The following ZDHHC20 variants were observed in gnomAD, a reference collection of about 807,000 sequenced individuals.
ZDHHC20 encodes the protein zDHHC palmitoyltransferase 20.
A neutral mutation model predicts 57.8 loss-of-function variants in ZDHHC20; 43 were observed. The observed-to-expected ratio is 0.74, with a 90% CI of 0.58 to 0.96. The LOEUF (loss-of-function observed/expected upper bound fraction) is 0.96. Ranked by LOEUF, ZDHHC20 falls within the 40% of genes least tolerant of loss-of-function variation. The pLI is 0.00. For synonymous variants in ZDHHC20, 157 were observed against 153.0 expected (o/e 1.03, Z -0.19); for missense variants, 391 against 441.1 (o/e 0.89, Z 1.02).
rs191941426 is a variant in ZDHHC20, at chr13:21,400,939, G to A, written c.474-446C>T. ...TTGCCCAGGCTGGTCTTGAACTCCT[G>A]ACCTCTTCGATGTTTTTTAAAACAA... On this transcript the variant is annotated intron_variant, in intron 6 of 12. Transcript: ENST00000400590. Among the ~76,000 whole-genome samples, 816 of 152,000 alleles carry A rather than the reference G, an allele frequency of 5.4e-3. 12 individuals are homozygous for A. The highest frequency in any genetic ancestry group is 0.019 in the African/African-American group (781 of 41,482).
chr13:21,386,142 G>A (rs951409573), intron 9 of ZDHHC20, among the ~76,000 whole-genome samples: 8 of 152,136 alleles, frequency 5.3e-5, no homozygotes, highest in African/African-American at 1.9e-4. Context: ...AAAAGAGATC[G>A]ATGAACTTGA....
At position 21,409,517 on chromosome 13, in the gene ZDHHC20, T is replaced by C. The variant is rs1878918922; in HGVS notation, c.370+4135A>G. On this transcript the variant is annotated intron_variant, in intron 4 of 12. Coordinates refer to ENST00000400590, the MANE Select transcript of ZDHHC20 (RefSeq NM_001330059.2). Reference sequence around the variant, plus strand: ...TTCTCTCTTTTATTCTTTATTAGTCTGGCTAGTGGTCTATTTTGTTAATCT... The same window carrying C: ...TTCTCTCTTTTATTCTTTATTAGTCCGGCTAGTGGTCTATTTTGTTAATCT... Among the ~76,000 whole-genome samples the C allele has an allele frequency of 3.9e-5, 6 of 152,358 alleles. No individual in the cohort carries two copies. In the South Asian group the frequency reaches 1.2e-3, roughly 32 times the overall value.
At chr13:21,432,252 G>A (rs934628768) in intron 1 of ZDHHC20, among the ~76,000 whole-genome samples, 3 of 151,804 alleles carry the variant, frequency 2.0e-5, no homozygotes, top group Non-Finnish European at 2.9e-5. Context: ...TAAAACCTCC[G>A]CTTCCTGGTT....
In ZDHHC20 at chr13:21,448,484, G is replaced by A. The variant is rs532755757; in HGVS notation, c.118+10570C>T. On this transcript the variant is annotated intron_variant, in intron 1 of 12. Transcript: ENST00000400590. The stretch of plus-strand genomic sequence containing the variant: ...GGAGGTGGGGGGGGTCAGCCCCGCC[G>A]CCCGGCCAGCCGCCCCGTCCGGGAG... Among the ~76,000 whole-genome samples the A allele has an allele frequency of 2.0e-4, 20 of 98,708 alleles. 3 individuals carry two copies. Among genetic ancestry groups the A allele is most frequent in the African/African-American group, 6.5e-4 (20 of 30,694 alleles). The allele number at this position is 98,708 out of a possible 152,430, so 64.8% of individuals were successfully genotyped here. A position where few individuals can be genotyped will look rare whatever the true frequency, so the allele number is the denominator to read the frequency against.
chr13:21,454,900 C>T (rs1483502295), intron 1 of ZDHHC20, among the ~76,000 whole-genome samples: 1 of 151,558 alleles, frequency 6.6e-6, no homozygotes, highest in East Asian at 1.9e-4. Context: ...CAACATAGCT[C>T]TTTTGTTTGT....
In ZDHHC20 at chr13:21,407,409, G is replaced by C. The variant is rs1055783017; in HGVS notation, c.371-4543C>G. Among the ~76,000 whole-genome samples the C allele has an allele frequency of 2.8e-4, 42 of 152,258 alleles. 1 individual carries two copies. Among genetic ancestry groups the C allele is most frequent in the African/African-American group, 9.9e-4 (41 of 41,564 alleles). ...ATAATGAGCTTTTTAAAATATGTTT[G>C]TTGGTCACATAAATGTCTTCTTTTG... On this transcript the variant is annotated intron_variant, in intron 4 of 12. Coordinates refer to ENST00000400590, the MANE Select transcript of ZDHHC20 (RefSeq NM_001330059.2).
intron 1 of ZDHHC20, among the ~76,000 whole-genome samples, chr13:21,430,931 T>C (rs1312081257): frequency 6.6e-6 from 1 of 152,194 alleles, no homozygotes; most frequent in African/African-American, 2.4e-5. Context: ...GGAAGAAGTC[T>C]CTATTTCATC....
At chr13:21,447,695 G>C (rs1425208467) in intron 1 of ZDHHC20, among the ~76,000 whole-genome samples, 2 of 119,796 alleles carry the variant, frequency 1.7e-5, no homozygotes, top group South Asian at 2.6e-4. Flanking sequence ...GCCTCTGCCC[G>C]GCCGCCACCC....
chr13:21,434,868 C>T (rs896766651), intron 1 of ZDHHC20, among the ~76,000 whole-genome samples: 4 of 151,910 alleles, frequency 2.6e-5, no homozygotes, highest in Admixed American at 6.6e-5. Flanking sequence ...TCTGTGTTGT[C>T]GCCAATCCTT....
chr13:21,412,264 A>T (rs539686794), intron 4 of ZDHHC20, among the ~76,000 whole-genome samples: 5 of 152,364 alleles, frequency 3.3e-5, no homozygotes, highest in Non-Finnish European at 7.3e-5. Context: ...ACATCCTTGA[A>T]TCTGTTGTAA....
At chr13:21,405,746 A>C (rs898132201) in intron 4 of ZDHHC20, among the ~76,000 whole-genome samples, 1 of 152,216 alleles carries the variant, frequency 6.6e-6, no homozygotes, top group Non-Finnish European at 1.5e-5. Context: ...AGTCCATTTT[A>C]GTATTTGTCT....
intron 2 of ZDHHC20, among the ~76,000 whole-genome samples, chr13:21,423,623 G>A (rs1880903914): frequency 6.6e-6 from 1 of 151,508 alleles, no homozygotes; most frequent in Admixed American, 6.6e-5. Flanking sequence ...GCAGTGAGCC[G>A]AGATCGTGCC....
At chr13:21,410,696 C>T (rs1879079614) in intron 4 of ZDHHC20, among the ~76,000 whole-genome samples, 1 of 152,196 alleles carries the variant, frequency 6.6e-6, no homozygotes, top group Non-Finnish European at 1.5e-5. Flanking sequence ...TCAGTAATGG[C>T]AGAAGCCCCT....
chr13:21,410,073 G>A (rs993324370), intron 4 of ZDHHC20, among the ~76,000 whole-genome samples: 3 of 152,018 alleles, frequency 2.0e-5, no homozygotes, highest in African/African-American at 4.8e-5. Flanking sequence ...TTTTTTTGTG[G>A]TCATCCTTTC....
At chr13:21,390,883 G>C (rs1875570274) in intron 8 of ZDHHC20, among the ~76,000 whole-genome samples, 1 of 150,618 alleles carries the variant, frequency 6.6e-6, no homozygotes, top group Non-Finnish European at 1.5e-5. Context: ...CAGAGCAAGA[G>C]TGAGACTCTG....
intron 9 of ZDHHC20, among the ~76,000 whole-genome samples, chr13:21,383,952 T>C (rs1166847481): frequency 1.3e-5 from 2 of 152,064 alleles, no homozygotes; most frequent in Non-Finnish European, 2.9e-5. Context: ...TGGTAAACTG[T>C]ACATAGTCAG....
At chr13:21,443,275 T>C (rs1370461325) in intron 1 of ZDHHC20, among the ~76,000 whole-genome samples, 1 of 152,164 alleles carries the variant, frequency 6.6e-6, no homozygotes, top group Admixed American at 6.5e-5. Context: ...CTTTTCCAAG[T>C]CCCTTTTCTT....
At chr13:21,434,496 A>C (rs970441426) in intron 1 of ZDHHC20, among the ~76,000 whole-genome samples, 1 of 152,220 alleles carries the variant, frequency 6.6e-6, no homozygotes, top group Non-Finnish European at 1.5e-5. Context: ...GTCCACAAGA[A>C]AATAAATATT....
Position 21,372,777 on chromosome 13 carries a change from A to C in ZDHHC20, c.*3919T>G, listed in dbSNP as rs1871410014. ...CTTGTTAGGTAAACACAACCAAACT[A>C]AACTGTACTTCAAATTTGTTTATAT... On this transcript the variant is annotated 3_prime_UTR_variant, in exon 13 of 13. Transcript: ENST00000400590. 1 of 152,238 alleles carries C rather than the reference A, an allele frequency of 6.6e-6. No homozygotes were observed. The highest frequency in any genetic ancestry group is 2.1e-4 in the South Asian group (1 of 4,834). The allele number at this position is 152,238 out of a possible 1,614,324, so 9.4% of individuals were successfully genotyped here.
Sources: gnomAD v4.1 joint callset for allele counts (sites outside exome capture counted in the v4.1 genomes callset) on GRCh38, gnomAD v4.1.1 for gene constraint, MANE v1.5 for transcripts, NCBI Gene and HGNC (gene_info 2026-07-23, HGNC 2026-07-21) for gene names.